SENP5: variants seen among roughly 807,000 people sequenced by gnomAD.
The protein encoded by SENP5 is sentrin-specific protease 5.
SENP5 carries 21 observed loss-of-function variants against 74.2 expected under a neutral mutation model. The observed-to-expected ratio is 0.28, with a 90% CI of 0.20 to 0.41. The LOEUF (loss-of-function observed/expected upper bound fraction) is 0.41, where lower values mean the gene tolerates loss of function less well. SENP5 is among the 10% of genes least tolerant of loss of function. SENP5 has a pLI of 1.00. For missense variants in SENP5, 717 were observed against 889.1 expected, an observed-to-expected ratio of 0.81 and a Z score of 2.46; for synonymous variants, 311 against 312.7, an observed-to-expected ratio of 0.99 and a Z score of 0.06.
At chr3:196,914,819 T>C (rs1041622561) in intron 6 of SENP5, among the ~76,000 whole-genome samples, 2 of 151,564 alleles carry the variant, frequency 1.3e-5, no homozygotes, top group Non-Finnish European at 2.9e-5. Context: ...TTTAACAGCA[T>C]CTCAAGGAAA....
At chr3:196,882,889 T>C (rs988012575) in intron 1 of SENP5, among the ~76,000 whole-genome samples, 8 of 151,846 alleles carry the variant, frequency 5.3e-5, no homozygotes, top group African/African-American at 1.9e-4. Flanking sequence ...TGGGGTACAC[T>C]GTGGGCCATT....
At chr3:196,883,796 CT>C (rs1165577755) in intron 1 of SENP5, among the ~76,000 whole-genome samples, 4 of 152,114 alleles carry the variant, frequency 2.6e-5, no homozygotes, top group Middle Eastern at 3.2e-3. Flanking sequence ...TCAAGCAATT[CT>C]TCTGCCTCAG....
In SENP5 at chr3:196,927,926, A is replaced by T; in HGVS notation, c.2106+47A>T. 3 of 1,245,096 alleles carry T rather than the reference A, an allele frequency of 2.4e-6. No homozygotes were observed. In the Admixed American group the frequency reaches 5.2e-5, roughly 21 times the overall value. 77.1% of individuals were successfully genotyped at this position (1,245,096 alleles called of 1,614,324 possible). On this transcript the variant is annotated intron_variant, in intron 8 of 9. Transcript: ENST00000323460. ...AACCCAGGCATGTCCAGGGGATGGA[A>T]TTATCTAAGGGTGGGTGCCTTTAAG...
chr3:196,920,960 G>A (rs376031631), intron 6 of SENP5, among the ~76,000 whole-genome samples: 1 of 152,160 alleles, frequency 6.6e-6, no homozygotes, highest in Non-Finnish European at 1.5e-5. Context: ...ATGGCAATGG[G>A]CAAGTCTGTA....
intron 6 of SENP5, among the ~76,000 whole-genome samples, chr3:196,905,812 C>T (rs1329296102): frequency 6.6e-6 from 1 of 152,122 alleles, no homozygotes; most frequent in Non-Finnish European, 1.5e-5. Flanking sequence ...CTTCTCTTCT[C>T]TCCCTGGTGG....
intron 2 of SENP5, among the ~76,000 whole-genome samples, chr3:196,890,425 G>A (rs1714151423): frequency 6.6e-6 from 1 of 152,188 alleles, no homozygotes. Flanking sequence ...ATACTTAGGG[G>A]AGATTTACTT....
chr3:196,891,243 A>C (rs1714187085), intron 2 of SENP5, among the ~76,000 whole-genome samples: 1 of 152,236 alleles, frequency 6.6e-6, no homozygotes, highest in South Asian at 2.1e-4. Flanking sequence ...GAATAGGCAA[A>C]TACATAGAGA....
chr3:196,880,496 T>TCACA (rs1328098825), intron 1 of SENP5, among the ~76,000 whole-genome samples: 1 of 151,418 alleles, frequency 6.6e-6, no homozygotes, highest in African/African-American at 2.5e-5. Context: ...ACATGACTTT[T>TCACA]CTTTTTCTGA....
chr3:196,875,848 C>T (rs967196826), intron 1 of SENP5, among the ~76,000 whole-genome samples: 2 of 152,062 alleles, frequency 1.3e-5, no homozygotes, highest in Non-Finnish European at 2.9e-5. Context: ...TTCCACCTCA[C>T]CCTCCTGAGT....
At chr3:196,877,839 T>C (rs1713549721) in intron 1 of SENP5, among the ~76,000 whole-genome samples, 2 of 152,238 alleles carry the variant, frequency 1.3e-5, no homozygotes, top group Admixed American at 1.3e-4. Flanking sequence ...TTGGTGTATA[T>C]GCTTTTAGAC....
intron 8 of SENP5, chr3:196,929,381 T>A (rs949959278): frequency 7.9e-6 from 3 of 379,990 alleles, no homozygotes; most frequent in African/African-American, 6.5e-5. Context: ...TTAAAACAGG[T>A]TTTTACATTT....
chr3:196,929,654 G>A lies in SENP5; in HGVS notation c.2128G>A (p.Asp710Asn), dbSNP rs1715951191. The A allele has an allele frequency of 1.2e-6, 2 of 1,608,464 alleles. No individual in the cohort carries two copies. Among genetic ancestry groups the A allele is most frequent in the Non-Finnish European group, 1.7e-6 (2 of 1,176,494 alleles). Residue 710 changes from aspartate (D) to asparagine (N), a missense_variant, in exon 9 of 10, where the codon GAC becomes AAC. Asp to Asn is a conservative substitution (Grantham distance 23). Coordinates refer to ENST00000323460, the MANE Select transcript of SENP5 (RefSeq NM_152699.5). The part of the protein sequence containing the change: ...VTKCIPQQKN[D>N]SDCGVFVLQY... ...TCAGTGTATTCCACAACAGAAAAAC[G>A]ACAGTGACTGTGGAGTCTTTGTGCT...
At chr3:196,887,347 T>G in intron 2 of SENP5, among the ~76,000 whole-genome samples, 1 of 151,986 alleles carries the variant, frequency 6.6e-6, no homozygotes, top group Admixed American at 6.6e-5. Context: ...GCCTGGCTAA[T>G]TTTTGTATTT....
intron 2 of SENP5, among the ~76,000 whole-genome samples, chr3:196,895,017 G>A (rs554971871): frequency 1.3e-5 from 2 of 152,088 alleles, no homozygotes; most frequent in Admixed American, 6.6e-5. Flanking sequence ...CTGCTGATGG[G>A]CCCGTTCTGA....
chr3:196,868,701 G>T (rs909590450), intron 1 of SENP5, among the ~76,000 whole-genome samples: 2 of 152,206 alleles, frequency 1.3e-5, no homozygotes, highest in African/African-American at 4.8e-5. Flanking sequence ...TTCATCTCAT[G>T]CTAGATAGAC....
intron 1 of SENP5, among the ~76,000 whole-genome samples, chr3:196,875,653 C>G (rs763955748): frequency 5.9e-5 from 9 of 152,176 alleles, no homozygotes; most frequent in Non-Finnish European, 1.0e-4. Context: ...AAAATAATTT[C>G]TTCAGAGAGG....
rs187520715 is a variant in SENP5, at chr3:196,874,048, C to G, written c.-32+5975C>G. Reference sequence around the variant, plus strand: ...TAATTTATTGGCTCACACCTGTAATCTTAGGTACTCAGAAGGCTAAGTCAG... The same window carrying G: ...TAATTTATTGGCTCACACCTGTAATGTTAGGTACTCAGAAGGCTAAGTCAG... On this transcript the variant is annotated intron_variant, in intron 1 of 9. Transcript: ENST00000323460. Among the ~76,000 whole-genome samples the G allele has an allele frequency of 1.2e-3, 174 of 149,436 alleles. 2 individuals are homozygous for G. The highest frequency in any genetic ancestry group is 2.0e-3 in the Admixed American group (29 of 14,868).
chr3:196,904,195 A>G (rs1714811661), intron 6 of SENP5, among the ~76,000 whole-genome samples: 1 of 152,248 alleles, frequency 6.6e-6, no homozygotes, highest in Non-Finnish European at 1.5e-5. Flanking sequence ...ACATCAGAAC[A>G]CAGTATGAGA....
At chr3:196,873,664 C>A (rs551557742) in intron 1 of SENP5, among the ~76,000 whole-genome samples, 4 of 151,528 alleles carry the variant, frequency 2.6e-5, no homozygotes, top group African/African-American at 9.7e-5. Flanking sequence ...CACGGTGAAA[C>A]CCCATCTCTA....
Sources: gnomAD v4.1 joint callset for allele counts (sites outside exome capture counted in the v4.1 genomes callset) on GRCh38, gnomAD v4.1.1 for gene constraint, MANE v1.5 for transcripts, NCBI Gene and HGNC (gene_info 2026-07-23, HGNC 2026-07-21) for gene names.